The following RBFOX1 variants were observed in gnomAD, a reference collection of about 807,000 sequenced individuals.
The protein encoded by RBFOX1 is RNA binding protein fox-1 homolog 1.
A neutral mutation model predicts 57.7 loss-of-function variants in RBFOX1; 8 were observed. The ratio of observed to expected loss-of-function variants is 0.14; its 90% CI spans 0.08 to 0.25. RBFOX1 has a LOEUF of 0.25. RBFOX1 is among the 10% of genes least tolerant of loss of function. The probability of loss-of-function intolerance (pLI) is 1.00; values close to 1 mark genes in which losing one functional copy is unlikely to be tolerated. For missense variants in RBFOX1, 611 were observed against 548.5 expected, an observed-to-expected ratio of 1.11 and a Z score of -1.14; for synonymous variants, 326 against 222.4, an observed-to-expected ratio of 1.47 and a Z score of -4.15.
intron 2 of RBFOX1, among the ~76,000 whole-genome samples, chr16:6,588,305 T>A (rs2097659832): frequency 6.6e-6 from 1 of 151,996 alleles, no homozygotes; most frequent in African/African-American, 2.4e-5. Context: ...AGATACTAAC[T>A]GGAACATGCA....
At chr16:5,733,211 A>G (rs904665195) in intron 3 of RBFOX1, among the ~76,000 whole-genome samples, 1 of 152,186 alleles carries the variant, frequency 6.6e-6, no homozygotes, top group African/African-American at 2.4e-5. Context: ...AATTAAAGAG[A>G]CTGGGGACTA....
chr16:6,787,898 T>C (rs1271219504), intron 3 of RBFOX1, among the ~76,000 whole-genome samples: 1 of 152,158 alleles, frequency 6.6e-6, no homozygotes, highest in Middle Eastern at 3.2e-3. Context: ...TTAATATTAA[T>C]AGCCAATCTG....
chr16:6,684,176 A>T (rs2059086134), intron 3 of RBFOX1, among the ~76,000 whole-genome samples: 1 of 152,184 alleles, frequency 6.6e-6, no homozygotes, highest in South Asian at 2.1e-4. Flanking sequence ...TCTGATGTTA[A>T]ACGCAAGGAT....
intron 4 of RBFOX1, among the ~76,000 whole-genome samples, chr16:5,905,130 C>G (rs1289828110): frequency 7.9e-6 from 1 of 126,460 alleles, no homozygotes; most frequent in East Asian, 2.6e-4. Context: ...TGCAATGGTA[C>G]AATCTTGGCT....
intron 4 of RBFOX1, among the ~76,000 whole-genome samples, chr16:5,982,007 C>G (rs988130628): frequency 5.3e-5 from 8 of 152,164 alleles, no homozygotes; most frequent in African/African-American, 1.9e-4. Flanking sequence ...TTTCTGTTAT[C>G]CAAGGAGTCT....
At chr16:5,696,245 C>A (rs7184623) in intron 3 of RBFOX1, among the ~76,000 whole-genome samples, 1 of 152,176 alleles carries the variant, frequency 6.6e-6, no homozygotes, top group East Asian at 1.9e-4. Context: ...TCCTTAGCTG[C>A]CAGAACTATT....
intron 3 of RBFOX1, among the ~76,000 whole-genome samples, chr16:5,731,229 A>T (rs187057417): frequency 2.0e-5 from 3 of 151,960 alleles, no homozygotes; most frequent in African/African-American, 7.2e-5. Flanking sequence ...CAACACTATC[A>T]TTGTCATCAC....
chr16:6,726,354 C>A (rs1272110882), intron 3 of RBFOX1, among the ~76,000 whole-genome samples: 1 of 150,558 alleles, frequency 6.6e-6, no homozygotes, highest in Non-Finnish European at 1.5e-5. Context: ...CAAATTTTTG[C>A]ATTTGTAAAA....
intron 3 of RBFOX1, among the ~76,000 whole-genome samples, chr16:6,855,475 C>T (rs921269823): frequency 1.3e-5 from 2 of 151,888 alleles, no homozygotes; most frequent in African/African-American, 2.4e-5. Flanking sequence ...CACAGTGAAA[C>T]CCCGTCTCTA....
chr16:7,298,925 G>T (rs1208573750), intron 4 of RBFOX1, among the ~76,000 whole-genome samples: 1 of 152,084 alleles, frequency 6.6e-6, no homozygotes, highest in Non-Finnish European at 1.5e-5. Flanking sequence ...CTGCATATGT[G>T]GTCCTGTATA....
At chr16:5,287,259 G>T in intron 1 of RBFOX1, among the ~76,000 whole-genome samples, 1 of 151,934 alleles carries the variant, frequency 6.6e-6, no homozygotes, top group East Asian at 1.9e-4. Flanking sequence ...AGCTCTGACT[G>T]TTCCACTTGT....
rs1274110368 is a variant in RBFOX1, at chr16:7,039,666, C to A, written c.-15-12391C>A. ...TATTTGCTTATCTGACATAAACTAT[C>A]CTGTCTTCTTAGAATCAGAGGACAC... On this transcript the variant is annotated intron_variant, in intron 3 of 15. Coordinates refer to ENST00000550418, the MANE Select transcript of RBFOX1 (RefSeq NM_018723.4). 4.6e-5 allele frequency among the ~76,000 whole-genome samples: 7 copies of A among 152,276 alleles called. No individual in the cohort carries two copies. In the East Asian group the frequency reaches 7.7e-4, roughly 17 times the overall value.
intron 7 of RBFOX1, among the ~76,000 whole-genome samples, chr16:7,590,508 C>T (rs1286222998): frequency 6.6e-6 from 1 of 152,012 alleles, no homozygotes; most frequent in Non-Finnish European, 1.5e-5. Context: ...ATCTCGTTTA[C>T]CTCTGATATG....
At position 7,184,703 on chromosome 16, in the gene RBFOX1, T is replaced by G. The variant is rs114241577; in HGVS notation, c.27+132605T>G. Among the ~76,000 whole-genome samples, 512 of 152,302 alleles carry G rather than the reference T, an allele frequency of 3.4e-3. 2 individuals carry two copies. Among genetic ancestry groups the G allele is most frequent in the African/African-American group, 0.012 (482 of 41,556 alleles). ...CCCCAAACCTGATTATGAGCTCTTG[T>G]GAAACTTCTCTAAAAATTTGGGGCA... On this transcript the variant is annotated intron_variant, in intron 4 of 15. Coordinates refer to ENST00000550418, the MANE Select transcript of RBFOX1 (RefSeq NM_018723.4).
chr16:6,548,308 T>G (rs1435770880), intron 2 of RBFOX1, among the ~76,000 whole-genome samples: 1 of 152,206 alleles, frequency 6.6e-6, no homozygotes, highest in African/African-American at 2.4e-5. Context: ...TTTGGCAGTT[T>G]AGAAAACAGA....
intron 4 of RBFOX1, among the ~76,000 whole-genome samples, chr16:7,307,670 GT>G (rs1171686888): frequency 2.0e-5 from 3 of 152,124 alleles, no homozygotes; most frequent in South Asian, 2.1e-4. Flanking sequence ...ATGCTAAATA[GT>G]TTTTTTGGCG....
intron 3 of RBFOX1, among the ~76,000 whole-genome samples, chr16:5,610,143 A>G (rs574317379): frequency 9.9e-5 from 15 of 152,170 alleles, no homozygotes; most frequent in East Asian, 1.9e-4. Flanking sequence ...TGAATTTCCA[A>G]TATGCCAGCA....
intron 12 of RBFOX1, among the ~76,000 whole-genome samples, chr16:7,661,299 C>G (rs1431457549): frequency 6.6e-6 from 1 of 152,170 alleles, no homozygotes; most frequent in African/African-American, 2.4e-5. Context: ...TTTATAATGG[C>G]AGCTACAATC....
intron 3 of RBFOX1, among the ~76,000 whole-genome samples, chr16:5,741,194 C>CT (rs2151591114): frequency 6.6e-6 from 1 of 152,248 alleles, no homozygotes; most frequent in African/African-American, 2.4e-5. Flanking sequence ...TCTCATCCCT[C>CT]TTTCCTGCAT....
Sources: allele counts gnomAD v4.1 joint callset (sites outside exome capture counted in the v4.1 genomes callset), GRCh38; gene constraint gnomAD v4.1.1; transcripts MANE v1.5; gene names NCBI Gene and HGNC (gene_info 2026-07-23, HGNC 2026-07-21).